HPSE2: variants seen among roughly 807,000 people sequenced by gnomAD.
The protein encoded by HPSE2 is heparanase 2 (inactive).
In HPSE2, 38 loss-of-function variants were observed where a neutral mutation model predicts 60.5. The observed-to-expected ratio is 0.63, with a 90% CI of 0.48 to 0.82. The LOEUF (loss-of-function observed/expected upper bound fraction) is 0.82, where lower values mean the gene tolerates loss of function less well. Among genes scored for constraint, HPSE2 ranks in the 40% least tolerant of loss-of-function variants. HPSE2 has a pLI of 0.00. For missense variants in HPSE2, 713 were observed against 740.4 expected (o/e 0.96, Z 0.43); for synonymous variants, 295 against 293.2 (o/e 1.01, Z -0.06).
chr10:98,598,865 G>C (rs2133936370), intron 9 of HPSE2, among the ~76,000 whole-genome samples: 2 of 152,140 alleles, frequency 1.3e-5, no homozygotes, highest in African/African-American at 4.8e-5. Context: ...CATGGGTACT[G>C]GCTGGCACCT....
chr10:99,196,965 C>T (rs1313528882), intron 2 of HPSE2, among the ~76,000 whole-genome samples: 1 of 152,136 alleles, frequency 6.6e-6, no homozygotes, highest in Non-Finnish European at 1.5e-5. Flanking sequence ...GATTTGGAAT[C>T]AACCTAAGTA....
intron 3 of HPSE2, among the ~76,000 whole-genome samples, chr10:99,052,504 G>GA (rs888239921): frequency 1.1e-4 from 17 of 149,316 alleles, no homozygotes; most frequent in East Asian, 3.9e-4. Context: ...GGGAAATTAT[G>GA]AAAAAAAAAT....
At chr10:98,614,701 ATGTGTGTGTGTG>A (rs141443710) in intron 9 of HPSE2, among the ~76,000 whole-genome samples, 191 bp downstream of exon 9, 1 of 148,918 alleles carries the variant, frequency 6.7e-6, no homozygotes. Flanking sequence ...GAGTGAACAG[ATGTGTGTGTGTG>A]TGTGTGTGTG....
chr10:98,627,218 GC>G (rs1946242466), intron 7 of HPSE2, among the ~76,000 whole-genome samples: 1 of 152,126 alleles, frequency 6.6e-6, no homozygotes, highest in Non-Finnish European at 1.5e-5. Context: ...TACGCCTGTA[GC>G]CCTACTACTT....
chr10:98,463,992 CT>C (rs752627104), intron 11 of HPSE2, among the ~76,000 whole-genome samples: 5 of 152,074 alleles, frequency 3.3e-5, no homozygotes, highest in Non-Finnish European at 7.4e-5. Context: ...TGGCGCACAC[CT>C]GTAATCCCAG....
intron 3 of HPSE2, among the ~76,000 whole-genome samples, chr10:98,879,848 T>C (rs558412016): frequency 6.3e-4 from 67 of 106,090 alleles, no homozygotes; most frequent in Admixed American, 1.3e-3. Context: ...TTGGTGTGCA[T>C]GTGCGTGTGT....
At chr10:98,878,393 G>C (rs1952933896) in intron 3 of HPSE2, among the ~76,000 whole-genome samples, 1 of 151,962 alleles carries the variant, frequency 6.6e-6, no homozygotes. Flanking sequence ...ATTGTTCTAA[G>C]TGCTAGGTGG....
intron 3 of HPSE2, among the ~76,000 whole-genome samples, chr10:99,117,940 C>T (rs896444423): frequency 6.6e-6 from 1 of 152,082 alleles, no homozygotes; most frequent in African/African-American, 2.4e-5. Flanking sequence ...GGCCAATATC[C>T]TTGATGAACA....
chr10:98,815,267 G>A (rs114339131), intron 3 of HPSE2, among the ~76,000 whole-genome samples: 1,812 of 152,260 alleles, frequency 0.012, 24 homozygotes, highest in African/African-American at 0.041. Context: ...GGGCAACAGA[G>A]CAAGACACTA....
At chr10:98,749,732 A>C (rs1949709991) in intron 3 of HPSE2, among the ~76,000 whole-genome samples, 1 of 150,708 alleles carries the variant, frequency 6.6e-6, no homozygotes, top group African/African-American at 2.4e-5. Context: ...ATTTTGCCCA[A>C]CAGTAGGCTG....
At chr10:98,694,013 G>T (rs1948147613) in intron 5 of HPSE2, 66 bp from the exon 6 acceptor site, 2 of 1,248,562 alleles carry the variant, frequency 1.6e-6, no homozygotes, top group Non-Finnish European at 2.4e-6. Flanking sequence ...AAATCAAAAG[G>T]AAATAAACTG....
intron 3 of HPSE2, among the ~76,000 whole-genome samples, chr10:98,984,512 T>C (rs996227353): frequency 6.6e-6 from 1 of 151,960 alleles, no homozygotes; most frequent in Non-Finnish European, 1.5e-5. Context: ...CATCAAAGAC[T>C]AAAGGTAGAT....
At chr10:98,982,901 T>C (rs1367436133) in intron 3 of HPSE2, among the ~76,000 whole-genome samples, 4 of 152,208 alleles carry the variant, frequency 2.6e-5, no homozygotes, top group South Asian at 4.1e-4. Context: ...ACTTGTTCTC[T>C]AGAAAACATG....
At chr10:99,139,538 T>G (rs10786510) in intron 3 of HPSE2, among the ~76,000 whole-genome samples, 5 of 151,972 alleles carry the variant, frequency 3.3e-5, no homozygotes, top group Admixed American at 3.3e-4. Flanking sequence ...AATTACACTA[T>G]AAATCCCATC....
chr10:99,285,071 AGG>A, the HPSE2 span, among the ~76,000 whole-genome samples: 5 of 152,094 alleles, frequency 3.3e-5, no homozygotes, highest in African/African-American at 1.2e-4. Flanking sequence ...TTTTAGAATC[AGG>A]GGCACATGTG....
At chr10:98,948,744 G>C (rs1185102225) in intron 3 of HPSE2, among the ~76,000 whole-genome samples, 3 of 151,954 alleles carry the variant, frequency 2.0e-5, no homozygotes, top group Middle Eastern at 3.2e-3. Context: ...CTGCCACCCT[G>C]AGACAGCAAG....
chr10:98,505,676 C>A (rs1189407242), intron 9 of HPSE2, among the ~76,000 whole-genome samples: 3 of 152,072 alleles, frequency 2.0e-5, no homozygotes, highest in Non-Finnish European at 2.9e-5. Context: ...ATGGATAAGT[C>A]TTTAACCAAT....
chr10:98,813,240 T>A (rs1481471404), intron 3 of HPSE2, among the ~76,000 whole-genome samples: 1 of 152,180 alleles, frequency 6.6e-6, no homozygotes, highest in Non-Finnish European at 1.5e-5. Context: ...CTGGGCCACT[T>A]AACCTCAAAC....
At chr10:99,109,090 A>G (rs1844360201) in intron 3 of HPSE2, among the ~76,000 whole-genome samples, 1 of 152,220 alleles carries the variant, frequency 6.6e-6, no homozygotes, top group South Asian at 2.1e-4. Context: ...TCAACAAAGC[A>G]GCCTCTCAAT....
Sources: allele counts gnomAD v4.1 joint callset (sites outside exome capture counted in the v4.1 genomes callset), GRCh38; gene constraint gnomAD v4.1.1; transcripts MANE v1.5; gene names NCBI Gene and HGNC (gene_info 2026-07-23, HGNC 2026-07-21).